Variants in L3MBTL4 observed in about 807,000 individuals in gnomAD.
L3MBTL4 encodes lethal(3)malignant brain tumor-like protein 4.
L3MBTL4 carries 70 observed loss-of-function variants against 84.5 expected under a neutral mutation model. The observed-to-expected ratio is 0.83, with a 90% CI of 0.68 to 1.01. The LOEUF is 1.01. Ranked by LOEUF, L3MBTL4 falls within the 50% of genes least tolerant of loss-of-function variation. The pLI is 0.00. For missense variants in L3MBTL4, 715 were observed against 754.8 expected (o/e 0.95, Z 0.62); for synonymous variants, 274 against 259.8 (o/e 1.05, Z -0.52).
intron 1 of L3MBTL4, chr18:6,396,383 C>T (rs143720020): frequency 6.5e-6 from 1 of 153,230 alleles, no homozygotes; most frequent in African/African-American, 2.4e-5. Context: ...ATGGCACAGC[C>T]CCTTCTGCAG....
At chr18:6,057,201 G>GT (rs2057056381) in intron 16 of L3MBTL4, among the ~76,000 whole-genome samples, 1 of 151,930 alleles carries the variant, frequency 6.6e-6, no homozygotes, top group South Asian at 2.1e-4. Flanking sequence ...GCTAATTTTT[G>GT]TATTTTTAGT....
intron 16 of L3MBTL4, among the ~76,000 whole-genome samples, chr18:6,067,918 T>C (rs943718063): frequency 1.3e-5 from 2 of 152,224 alleles, no homozygotes; most frequent in African/African-American, 4.8e-5. Flanking sequence ...GGGTGGACCA[T>C]TTCTTCAAAT....
At chr18:6,400,841 G>T (rs1296443749) in intron 1 of L3MBTL4, among the ~76,000 whole-genome samples, 5 of 152,196 alleles carry the variant, frequency 3.3e-5, no homozygotes, top group Non-Finnish European at 7.3e-5. Flanking sequence ...GAGGTTCAGA[G>T]AGAGACAAGC....
At chr18:6,168,001 C>T (rs1193790960) in intron 13 of L3MBTL4, among the ~76,000 whole-genome samples, 2 of 152,058 alleles carry the variant, frequency 1.3e-5, no homozygotes, top group Admixed American at 1.3e-4. Context: ...AATCAATGTG[C>T]AAAAATCACA....
intron 12 of L3MBTL4, among the ~76,000 whole-genome samples, chr18:6,196,624 G>T (rs1228041476): frequency 2.0e-5 from 3 of 152,194 alleles, no homozygotes; most frequent in Non-Finnish European, 4.4e-5. Context: ...CTATCCAAAA[G>T]AAAATGTCCA....
chr18:6,027,230 C>T lies in L3MBTL4; in HGVS notation c.1444+53651G>A, dbSNP rs145755834. ...GTGCTACTGTATGATGTTCCCCTCC[C>T]TGTGTCCATGTGTTCTCATTGTTCA... On this transcript the variant is annotated intron_variant, in intron 16 of 18. Coordinates refer to ENST00000317931, the MANE Select transcript of L3MBTL4 (RefSeq NM_001330559.2). Among the ~76,000 whole-genome samples, 342 of 152,292 alleles carry T rather than the reference C, an allele frequency of 2.2e-3. 1 individual carries two copies. The highest frequency in any genetic ancestry group is 3.4e-3 in the Middle Eastern group (1 of 294).
intron 5 of L3MBTL4, among the ~76,000 whole-genome samples, chr18:6,252,267 T>C (rs2047955215): frequency 6.6e-6 from 1 of 151,956 alleles, no homozygotes; most frequent in Admixed American, 6.6e-5. Context: ...GAGCCAAGAT[T>C]GCACCACTGC....
chr18:6,044,492 A>G (rs2056532897), intron 16 of L3MBTL4, among the ~76,000 whole-genome samples: 1 of 152,186 alleles, frequency 6.6e-6, no homozygotes, highest in Non-Finnish European at 1.5e-5. Flanking sequence ...CTGCTGCCAA[A>G]CAGGACACTA....
intron 16 of L3MBTL4, among the ~76,000 whole-genome samples, chr18:6,004,785 G>A (rs2145310874): frequency 6.6e-6 from 1 of 152,206 alleles, no homozygotes; most frequent in Middle Eastern, 3.4e-3. Flanking sequence ...ATATGAGATA[G>A]TGAGAGTAGT....
chr18:6,330,277 G>A (rs76568329), intron 1 of L3MBTL4, among the ~76,000 whole-genome samples: 1,761 of 152,304 alleles, frequency 0.012, 30 homozygotes, highest in African/African-American at 0.039. Flanking sequence ...CAACACAAAT[G>A]TATTATCTTA....
intron 12 of L3MBTL4, among the ~76,000 whole-genome samples, chr18:6,192,004 C>CA (rs371495055): frequency 1.5e-4 from 22 of 144,764 alleles, no homozygotes; most frequent in African/African-American, 5.4e-4. Flanking sequence ...CCTCCCCCCC[C>CA]TCAAAAAAAA....
At chr18:6,296,727 A>G (rs148825737) in intron 4 of L3MBTL4, among the ~76,000 whole-genome samples, 227 of 152,328 alleles carry the variant, frequency 1.5e-3, no homozygotes, top group African/African-American at 5.4e-3. Flanking sequence ...GAGGCACTCC[A>G]GTAACAGAAT....
At chr18:6,381,002 T>G (rs1452870763) in intron 1 of L3MBTL4, among the ~76,000 whole-genome samples, 1 of 152,208 alleles carries the variant, frequency 6.6e-6, no homozygotes, top group Non-Finnish European at 1.5e-5. Flanking sequence ...TGGGTGCTAC[T>G]GTATGGGGTG....
chr18:6,386,653 G>C (rs1400701056), intron 1 of L3MBTL4, among the ~76,000 whole-genome samples: 1 of 152,148 alleles, frequency 6.6e-6, no homozygotes, highest in Admixed American at 6.5e-5. Context: ...ACTGACCTGT[G>C]TGAAGAGTGT....
At chr18:6,400,612 A>G (rs1439270169) in intron 1 of L3MBTL4, among the ~76,000 whole-genome samples, 3 of 152,132 alleles carry the variant, frequency 2.0e-5, no homozygotes, top group Non-Finnish European at 4.4e-5. Flanking sequence ...GGATTTCAAC[A>G]TATTTCCCAG....
At chr18:5,967,926 A>G (rs954263565) in intron 17 of L3MBTL4, among the ~76,000 whole-genome samples, 2 of 152,246 alleles carry the variant, frequency 1.3e-5, no homozygotes, top group Non-Finnish European at 2.9e-5. Context: ...GGGCAGAGAC[A>G]TGCCCAGAAT....
chr18:6,220,056 A>T (rs537647136), intron 10 of L3MBTL4, among the ~76,000 whole-genome samples: 1 of 152,320 alleles, frequency 6.6e-6, no homozygotes, highest in African/African-American at 2.4e-5. Flanking sequence ...CAATTTAAAA[A>T]ATAAAAATAA....
chr18:6,372,192 T>TA (rs1244575542), intron 1 of L3MBTL4, among the ~76,000 whole-genome samples: 1 of 152,180 alleles, frequency 6.6e-6, no homozygotes, highest in Admixed American at 6.5e-5. Context: ...TACTGCTTGC[T>TA]AAAAAAGTGG....
chr18:6,150,187 T>C (rs1454329435), intron 13 of L3MBTL4, among the ~76,000 whole-genome samples: 3 of 152,204 alleles, frequency 2.0e-5, no homozygotes, highest in Non-Finnish European at 2.9e-5. Flanking sequence ...AAATGTCATA[T>C]ATGTTCTCAT....
Sources: gnomAD v4.1 joint callset for allele counts (sites outside exome capture counted in the v4.1 genomes callset) on GRCh38, gnomAD v4.1.1 for gene constraint, MANE v1.5 for transcripts, NCBI Gene and HGNC (gene_info 2026-07-23, HGNC 2026-07-21) for gene names.